SYT1: variants seen among roughly 807,000 people sequenced by gnomAD.
SYT1 encodes synaptotagmin-1.
In SYT1, 8 loss-of-function variants were observed where a neutral mutation model predicts 44.8. That is an observed-to-expected ratio of 0.18 (90% CI 0.10 to 0.32). SYT1 has a LOEUF of 0.32. SYT1 is among the 10% of genes least tolerant of loss of function. The pLI is 1.00. For missense variants in SYT1, 286 were observed against 509.3 expected (o/e 0.56, Z 4.22); for synonymous variants, 154 against 188.8 (o/e 0.82, Z 1.51).
At chr12:79,299,197 A>T (rs1004692621) in intron 7 of SYT1, among the ~76,000 whole-genome samples, 187 bp from the exon 8 acceptor site, 1 of 152,178 alleles carries the variant, frequency 6.6e-6, no homozygotes, top group African/African-American at 2.4e-5. Flanking sequence ...AAAATTTCCC[A>T]TTTTCTCTCA....
intron 8 of SYT1, among the ~76,000 whole-genome samples, chr12:79,318,429 A>G (rs1443676975): frequency 1.3e-5 from 2 of 152,154 alleles, no homozygotes; most frequent in Non-Finnish European, 2.9e-5. Flanking sequence ...CTACATCAAT[A>G]TTTCTCTTTT....
At chr12:79,277,605 CAG>C (rs1195431947) in intron 4 of SYT1, among the ~76,000 whole-genome samples, 2 of 152,056 alleles carry the variant, frequency 1.3e-5, no homozygotes, top group East Asian at 3.9e-4. Flanking sequence ...AATAATAACA[CAG>C]TGGAGAATAC....
At chr12:78,937,230 G>T (rs982256096) in intron 1 of SYT1, among the ~76,000 whole-genome samples, 1 of 151,742 alleles carries the variant, frequency 6.6e-6, no homozygotes, top group Non-Finnish European at 1.5e-5. Context: ...CTTTTTTTTC[G>T]AGGTCCTGTG....
chr12:79,127,301 G>A (rs1047838239), intron 3 of SYT1, among the ~76,000 whole-genome samples: 6 of 152,218 alleles, frequency 3.9e-5, no homozygotes, highest in Non-Finnish European at 7.3e-5. Flanking sequence ...TTCACACATT[G>A]GCTTTCTGGC....
At chr12:79,383,079 A>G (rs1884291455) in intron 9 of SYT1, among the ~76,000 whole-genome samples, 1 of 152,228 alleles carries the variant, frequency 6.6e-6, no homozygotes, top group South Asian at 2.1e-4. Context: ...TGGAACAGAC[A>G]CATATACAGT....
At chr12:78,919,031 G>A (rs949398941) in intron 1 of SYT1, among the ~76,000 whole-genome samples, 2 of 151,920 alleles carry the variant, frequency 1.3e-5, no homozygotes, top group East Asian at 1.9e-4. Context: ...TTTAAAAGAG[G>A]CCAGGAAAGC....
chr12:79,313,048 C>T (rs1880888520), intron 8 of SYT1, among the ~76,000 whole-genome samples: 2 of 152,102 alleles, frequency 1.3e-5, no homozygotes, highest in African/African-American at 4.8e-5. Flanking sequence ...TTCTTTTTTG[C>T]ATAAGTCAGA....
intron 9 of SYT1, among the ~76,000 whole-genome samples, chr12:79,374,318 T>A (rs1883907598): frequency 6.6e-6 from 1 of 152,194 alleles, no homozygotes; most frequent in Non-Finnish European, 1.5e-5. Context: ...GTTTCAAGTT[T>A]ATAAACCAAA....
intron 9 of SYT1, among the ~76,000 whole-genome samples, chr12:79,439,555 T>C (rs1407469751): frequency 6.6e-6 from 1 of 152,062 alleles, no homozygotes; most frequent in Non-Finnish European, 1.5e-5. Flanking sequence ...GCAAAGTGAG[T>C]TGAAGGAGAG....
chr12:79,450,115 A>ATAAT lies in SYT1; in HGVS notation c.*993_*996dup, dbSNP rs931354287. ...TTCTGTTCCAGATTTCACACCTACAATAATTCCAAAAGGTTTGCACATTAG... is the reference window on the plus strand; with the variant it reads ...TTCTGTTCCAGATTTCACACCTACAATAATTAATTCCAAAAGGTTTGCACATTAG... On this transcript the variant is annotated 3_prime_UTR_variant, in exon 11 of 11. Coordinates refer to ENST00000261205, the MANE Select transcript of SYT1 (RefSeq NM_005639.3). 1.3e-5 allele frequency: 2 copies of ATAAT among 152,510 alleles called. No homozygotes were observed. Among genetic ancestry groups the ATAAT allele is most frequent in the African/African-American group, 2.4e-5 (1 of 41,442 alleles). The allele number at this position is 152,510 out of a possible 1,614,324, so 9.4% of individuals were successfully genotyped here. A position where few individuals can be genotyped will look rare whatever the true frequency, so the allele number is the denominator to read the frequency against.
Position 79,060,680 on chromosome 12 carries a change from G to A in SYT1, c.-18+13318G>A, listed in dbSNP as rs186802525. ...AAGGCTGAATAATATTCCATTGTAT[G>A]TATATATCACATTTTGTTTATCCAT... On this transcript the variant is annotated intron_variant, in intron 3 of 10. Transcript: ENST00000261205. 6.6e-3 allele frequency among the ~76,000 whole-genome samples: 1,009 copies of A among 152,154 alleles called. 8 individuals are homozygous for A. The highest frequency in any genetic ancestry group is 0.023 in the African/African-American group (963 of 41,528).
At chr12:78,953,975 T>A (rs1879095228) in intron 1 of SYT1, among the ~76,000 whole-genome samples, 1 of 152,088 alleles carries the variant, frequency 6.6e-6, no homozygotes, top group South Asian at 2.1e-4. Context: ...GTCAGTGATA[T>A]TAAGGCAAAT....
At chr12:79,150,417 G>C (rs1870198396) in intron 3 of SYT1, among the ~76,000 whole-genome samples, 1 of 152,164 alleles carries the variant, frequency 6.6e-6, no homozygotes, top group Non-Finnish European at 1.5e-5. Flanking sequence ...CAGAAGTAGA[G>C]TAAAATGGTG....
At chr12:79,237,097 G>T (rs1177062906) in intron 4 of SYT1, among the ~76,000 whole-genome samples, 3 of 152,316 alleles carry the variant, frequency 2.0e-5, no homozygotes, top group South Asian at 2.1e-4. Flanking sequence ...GAACACTAGC[G>T]TGAGATAATG....
intron 4 of SYT1, among the ~76,000 whole-genome samples, chr12:79,264,523 A>T (rs1270294766): frequency 6.6e-6 from 1 of 152,212 alleles, no homozygotes; most frequent in African/African-American, 2.4e-5. Context: ...TTTTGAAGGA[A>T]AAAAGAAAGC....
chr12:79,009,331 T>A (rs1871281729), intron 2 of SYT1, among the ~76,000 whole-genome samples: 1 of 152,140 alleles, frequency 6.6e-6, no homozygotes, highest in African/African-American at 2.4e-5. Context: ...TGTTTTTGAA[T>A]TCCAATTATT....
intron 3 of SYT1, among the ~76,000 whole-genome samples, chr12:79,140,894 A>T (rs1869516239): frequency 6.6e-6 from 1 of 152,164 alleles, no homozygotes; most frequent in Non-Finnish European, 1.5e-5. Flanking sequence ...TGATTGGCAT[A>T]AGTCCTCTAG....
chr12:79,325,847 T>C (rs965864338), intron 8 of SYT1, among the ~76,000 whole-genome samples: 2 of 152,230 alleles, frequency 1.3e-5, no homozygotes, highest in African/African-American at 4.8e-5. Flanking sequence ...TTAGATGAGA[T>C]GCAATATGCA....
At chr12:79,045,529 C>A (rs199745829) in intron 2 of SYT1, 4 of 157,114 alleles carry the variant, frequency 2.5e-5, no homozygotes, top group Non-Finnish European at 4.2e-5. Context: ...TCTGGCACTC[C>A]CTAGTGAGAT....
Sources: allele counts gnomAD v4.1 joint callset (sites outside exome capture counted in the v4.1 genomes callset), GRCh38; gene constraint gnomAD v4.1.1; transcripts MANE v1.5; gene names NCBI Gene and HGNC (gene_info 2026-07-23, HGNC 2026-07-21).